The following GPC6 variants were observed in gnomAD, a reference collection of about 807,000 sequenced individuals.
GPC6 encodes glypican 6.
Under a neutral mutation model 55.2 loss-of-function variants are expected in GPC6, and 14 were observed. The observed-to-expected ratio is 0.25, with a 90% CI of 0.17 to 0.40. The LOEUF (loss-of-function observed/expected upper bound fraction) is 0.40, where lower values mean the gene tolerates loss of function less well. Ranked by LOEUF, GPC6 falls within the 10% of genes least tolerant of loss-of-function variation. GPC6 has a pLI of 1.00. For missense variants in GPC6, 641 were observed against 708.5 expected (o/e 0.90, Z 1.08); for synonymous variants, 278 against 259.6 (o/e 1.07, Z -0.68).
the GPC6 span, among the ~76,000 whole-genome samples, chr13:93,221,501 G>A: frequency 6.6e-6 from 1 of 152,104 alleles, no homozygotes; most frequent in Admixed American, 6.5e-5. Context: ...TTCCCCCCAA[G>A]AGATCATTAG....
chr13:93,932,101 A>G (rs761219579), intron 3 of GPC6, among the ~76,000 whole-genome samples: 1 of 152,230 alleles, frequency 6.6e-6, no homozygotes, highest in Non-Finnish European at 1.5e-5. Flanking sequence ...GGATTTATTC[A>G]TGCCTTTGTC....
intron 2 of GPC6, among the ~76,000 whole-genome samples, chr13:93,750,276 A>T (rs1445084074): frequency 6.6e-6 from 1 of 152,180 alleles, no homozygotes; most frequent in Non-Finnish European, 1.5e-5. Context: ...TTGTTTGGGA[A>T]TTCTACTTGG....
intron 3 of GPC6, among the ~76,000 whole-genome samples, chr13:93,992,304 TA>T (rs764153152): frequency 4.8e-4 from 73 of 152,134 alleles, no homozygotes; most frequent in Non-Finnish European, 9.0e-4. Flanking sequence ...TGTTAATTAT[TA>T]AAATCACAAT....
rs1241234415 is a variant in GPC6 at position 93,845,582 on chromosome 13, C to T, written c.711+15037C>T. Among the ~76,000 whole-genome samples the T allele has an allele frequency of 3.5e-5, 5 of 141,636 alleles. No individual in the cohort carries two copies. The East Asian group carries it at 1.1e-3, about 31-fold the overall frequency. The allele number at this position is 141,636 out of a possible 152,430, so 92.9% of individuals were successfully genotyped here. On this transcript the variant is annotated intron_variant, in intron 3 of 8. Transcript: ENST00000377047. ...ACAATAGCAAAGACTTGGAACCAAC[C>T]CAAATGTCCAATAATGATAGACTGG...
chr13:94,085,106 A>G (rs1885232222), intron 4 of GPC6, among the ~76,000 whole-genome samples: 1 of 151,792 alleles, frequency 6.6e-6, no homozygotes, highest in Non-Finnish European at 1.5e-5. Flanking sequence ...GGCAGATCAC[A>G]AGGTCAGGAG....
At chr13:93,418,729 T>C (rs773791257) in intron 1 of GPC6, among the ~76,000 whole-genome samples, 43 of 150,028 alleles carry the variant, frequency 2.9e-4, no homozygotes, top group South Asian at 8.3e-4. Context: ...TATACCGTAG[T>C]GTCATTTTAT....
intron 6 of GPC6, among the ~76,000 whole-genome samples, chr13:94,326,851 A>G (rs1185434098): frequency 1.3e-5 from 2 of 152,244 alleles, no homozygotes; most frequent in Admixed American, 6.5e-5. Flanking sequence ...CAGCTTGCAA[A>G]CACGGGCACT....
intron 2 of GPC6, among the ~76,000 whole-genome samples, chr13:93,641,354 A>G (rs772345901): frequency 5.9e-5 from 9 of 152,078 alleles, no homozygotes; most frequent in Non-Finnish European, 1.3e-4. Context: ...GGATTCATGT[A>G]TCAAGGTGTG....
chr13:94,124,072 G>A (rs1262128729), intron 4 of GPC6, among the ~76,000 whole-genome samples: 3 of 152,080 alleles, frequency 2.0e-5, no homozygotes, highest in Non-Finnish European at 4.4e-5. Flanking sequence ...AGCACAATTA[G>A]AAGAGTCTAC....
chr13:94,364,171 GT>G (rs1313812262), intron 6 of GPC6, among the ~76,000 whole-genome samples: 2 of 152,148 alleles, frequency 1.3e-5, no homozygotes, highest in Non-Finnish European at 2.9e-5. Context: ...TATTTTACAA[GT>G]TGTTTTCTCT....
At chr13:93,889,416 T>A (rs968413407) in intron 3 of GPC6, among the ~76,000 whole-genome samples, 1 of 152,132 alleles carries the variant, frequency 6.6e-6, no homozygotes, top group African/African-American at 2.4e-5. Flanking sequence ...GAAACACGTT[T>A]ATAGTACTCA....
At chr13:94,280,149 G>A (rs541023065) in intron 4 of GPC6, among the ~76,000 whole-genome samples, 2 of 152,214 alleles carry the variant, frequency 1.3e-5, no homozygotes, top group Admixed American at 6.5e-5. Context: ...TTTATATTTA[G>A]GATAGATAGC....
intron 2 of GPC6, among the ~76,000 whole-genome samples, chr13:93,695,844 G>T (rs1369752070): frequency 6.6e-6 from 1 of 151,990 alleles, no homozygotes; most frequent in South Asian, 2.1e-4. Context: ...ATTATGCTCT[G>T]CAGGTTTTGA....
At chr13:93,582,826 GA>G (rs1438299601) in intron 2 of GPC6, among the ~76,000 whole-genome samples, 1 of 152,198 alleles carries the variant, frequency 6.6e-6, no homozygotes, top group African/African-American at 2.4e-5. Flanking sequence ...AAAGCGAAGT[GA>G]AACCTGTCGT....
intron 1 of GPC6, among the ~76,000 whole-genome samples, chr13:93,298,615 C>CTT (rs11327936): frequency 6.9e-6 from 1 of 145,756 alleles, no homozygotes; most frequent in Non-Finnish European, 1.5e-5. Context: ...TTTCTTTTTT[C>CTT]TTTTTTTTTT....
chr13:94,328,070 TGTCTCAAAGGATTCC>T (rs1877217179), intron 6 of GPC6, among the ~76,000 whole-genome samples: 1 of 152,202 alleles, frequency 6.6e-6, no homozygotes, highest in African/African-American at 2.4e-5. Context: ...CTGTGGCTGT[TGTCTCAAAGGATTCC>T]TCTGCACATT....
At chr13:94,249,560 A>T (rs545585864) in intron 4 of GPC6, among the ~76,000 whole-genome samples, 1 of 152,160 alleles carries the variant, frequency 6.6e-6, no homozygotes, top group Non-Finnish European at 1.5e-5. Flanking sequence ...ACCATCACAA[A>T]ACCCCTCTGA....
intron 2 of GPC6, among the ~76,000 whole-genome samples, chr13:93,735,726 C>G (rs926767978): frequency 8.5e-5 from 13 of 152,156 alleles, no homozygotes; most frequent in African/African-American, 3.1e-4. Context: ...CTACCTGTAA[C>G]AAGGCTGCCT....
intron 3 of GPC6, among the ~76,000 whole-genome samples, chr13:93,849,810 C>G (rs1888331644): frequency 6.6e-6 from 1 of 151,942 alleles, no homozygotes; most frequent in African/African-American, 2.4e-5. Flanking sequence ...GTACATTTCC[C>G]TAGGTGTGGG....
Sources: allele counts gnomAD v4.1 joint callset (sites outside exome capture counted in the v4.1 genomes callset), GRCh38; gene constraint gnomAD v4.1.1; transcripts MANE v1.5; gene names NCBI Gene and HGNC (gene_info 2026-07-23, HGNC 2026-07-21).